SLC24A2: variants seen among roughly 807,000 people sequenced by gnomAD.
SLC24A2 encodes sodium/potassium/calcium exchanger 2.
In SLC24A2, 36 loss-of-function variants were observed where a neutral mutation model predicts 62.0. The observed-to-expected ratio is 0.58, with a 90% CI of 0.44 to 0.77. The LOEUF (loss-of-function observed/expected upper bound fraction) is 0.77, where lower values mean the gene tolerates loss of function less well. SLC24A2 is among the 30% of genes least tolerant of loss of function. The probability of loss-of-function intolerance (pLI) is 0.00; values close to 1 mark genes in which losing one functional copy is unlikely to be tolerated. For synonymous variants in SLC24A2, 358 were observed against 294.0 expected (o/e 1.22, Z -2.23); for missense variants, 846 against 817.9 (o/e 1.03, Z -0.42).
chr9:20,174,518 A>T, the SLC24A2 span, among the ~76,000 whole-genome samples: 1 of 150,386 alleles, frequency 6.6e-6, no homozygotes. Flanking sequence ...GAAAAAAAAA[A>T]TCCCATCAAA....
chr9:20,227,857 G>C, the SLC24A2 span, among the ~76,000 whole-genome samples: 1 of 152,146 alleles, frequency 6.6e-6, no homozygotes, highest in African/African-American at 2.4e-5. Flanking sequence ...AGACTGGGTA[G>C]TCTGAAATAC....
At chr9:20,060,866 A>C in the SLC24A2 span, among the ~76,000 whole-genome samples, 1 of 152,198 alleles carries the variant, frequency 6.6e-6, no homozygotes, top group African/African-American at 2.4e-5. Flanking sequence ...CAATATGCAA[A>C]ACTTAATTGT....
the SLC24A2 span, among the ~76,000 whole-genome samples, chr9:20,264,986 G>A: frequency 8.8e-3 from 1,347 of 152,296 alleles, 26 homozygotes; most frequent in Admixed American, 0.03. Flanking sequence ...GGATTCACCC[G>A]TGCTCCCAGC....
At chr9:19,708,988 A>G (rs946316733) in intron 2 of SLC24A2, among the ~76,000 whole-genome samples, 2 of 152,116 alleles carry the variant, frequency 1.3e-5, no homozygotes, top group Admixed American at 6.6e-5. Context: ...ATGGGAGAAA[A>G]TTTTCGCAAC....
chr9:20,243,391 A>T, the SLC24A2 span, among the ~76,000 whole-genome samples: 1 of 152,222 alleles, frequency 6.6e-6, no homozygotes, highest in Non-Finnish European at 1.5e-5. Flanking sequence ...TATTTGACAC[A>T]TGCAATGAGG....
At chr9:19,790,749 A>G (rs1823309230), upstream of SLC24A2, among the ~76,000 whole-genome samples, 1 of 152,204 alleles carries the variant, frequency 6.6e-6, no homozygotes, top group Admixed American at 6.5e-5. Context: ...GTAACCAATT[A>G]GGCTTTATTT....
rs766061174 is a variant in SLC24A2 at position 19,573,307 on chromosome 9, A to C, written c.1347+44T>G. The C allele has an allele frequency of 2.3e-6, 3 of 1,282,186 alleles. No homozygotes were observed. In the South Asian group the frequency reaches 3.6e-5, roughly 15 times the overall value. 79.4% of individuals were successfully genotyped at this position (1,282,186 alleles called of 1,614,324 possible). A position where few individuals can be genotyped will look rare whatever the true frequency, so the allele number is the denominator to read the frequency against. On this transcript the variant is annotated intron_variant, in intron 7 of 10. Transcript: ENST00000341998. ...GTCTGTGCTGCCACGCTAGGATATCAGTTAAGAACAACAGCCCAGAAGAGC... is the reference window on the plus strand; with the variant it reads ...GTCTGTGCTGCCACGCTAGGATATCCGTTAAGAACAACAGCCCAGAAGAGC...
chr9:19,539,552 G>A (rs1425014325), intron 8 of SLC24A2, among the ~76,000 whole-genome samples: 2 of 127,272 alleles, frequency 1.6e-5, no homozygotes, highest in Non-Finnish European at 3.3e-5. Flanking sequence ...TAGTTTGATT[G>A]CACTGTGGTC....
chr9:19,808,490 C>T, the SLC24A2 span, among the ~76,000 whole-genome samples: 2 of 152,142 alleles, frequency 1.3e-5, no homozygotes, highest in Non-Finnish European at 2.9e-5. This position sits in a 1 kb window ranked among gnomAD's most constrained non-coding sequence, Gnocchi z 4.1. Context: ...GCTAACCCGT[C>T]CAAACCCAAA....
chr9:19,998,616 T>G, the SLC24A2 span, among the ~76,000 whole-genome samples: 1 of 152,238 alleles, frequency 6.6e-6, no homozygotes, highest in Non-Finnish European at 1.5e-5. Context: ...TGACCACCCC[T>G]CTTCTCCATC....
the SLC24A2 span, chr9:19,896,001 G>C: frequency 1.3e-6 from 2 of 1,559,740 alleles, no homozygotes; most frequent in East Asian, 4.5e-5. Context: ...GTGCCTCAGT[G>C]TGACGGCAGG....
chr9:19,727,752 T>C (rs1004199420), intron 2 of SLC24A2, among the ~76,000 whole-genome samples: 3 of 152,210 alleles, frequency 2.0e-5, no homozygotes, highest in African/African-American at 7.2e-5. Context: ...TGAAAAAATA[T>C]CCTATAGTAA....
At chr9:19,978,209 C>T in the SLC24A2 span, among the ~76,000 whole-genome samples, 1 of 152,116 alleles carries the variant, frequency 6.6e-6, no homozygotes, top group African/African-American at 2.4e-5. Context: ...AACCATATAA[C>T]TGTTTGTAAT....
the SLC24A2 span, among the ~76,000 whole-genome samples, chr9:20,035,377 T>C: frequency 1.3e-5 from 2 of 151,468 alleles, no homozygotes; most frequent in African/African-American, 4.8e-5. Context: ...TGTTGGAAAC[T>C]TAATTAAGAT....
Position 19,515,395 on chromosome 9 carries a change from T to C in SLC24A2, c.*758A>G, listed in dbSNP as rs1230031976. On this transcript the variant is annotated 3_prime_UTR_variant, in exon 11 of 11. Coordinates refer to ENST00000341998, the MANE Select transcript of SLC24A2 (RefSeq NM_020344.4). Reference sequence around the variant, plus strand: ...TGGGCAGATAGTCTCTCTGTTTGGCTTGTAGGAATGTTTTGGAAGGCTCAA... The same window carrying C: ...TGGGCAGATAGTCTCTCTGTTTGGCCTGTAGGAATGTTTTGGAAGGCTCAA... 1 of 152,204 alleles carries C rather than the reference T, an allele frequency of 6.6e-6. No homozygotes were observed. The highest frequency in any genetic ancestry group is 1.5e-5 in the Non-Finnish European group (1 of 68,084). 9.4% of individuals were successfully genotyped at this position (152,204 alleles called of 1,614,324 possible). A position where few individuals can be genotyped will look rare whatever the true frequency, so the allele number is the denominator to read the frequency against.
the SLC24A2 span, among the ~76,000 whole-genome samples, chr9:20,099,362 CCTT>C: frequency 1.7e-4 from 26 of 152,268 alleles, no homozygotes; most frequent in East Asian, 9.7e-4. Flanking sequence ...ACCTTTATTT[CCTT>C]CTTCTTTAGG....
At chr9:20,280,426 T>C in the SLC24A2 span, among the ~76,000 whole-genome samples, 1 of 152,148 alleles carries the variant, frequency 6.6e-6, no homozygotes, top group Non-Finnish European at 1.5e-5. Context: ...CCATGAGCTA[T>C]TAGCAGCCAA....
At position 19,559,106 on chromosome 9, in the gene SLC24A2, C is replaced by G. The variant is rs1044618122; in HGVS notation, c.1348-8838G>C. On this transcript the variant is annotated intron_variant, in intron 7 of 10. Coordinates refer to ENST00000341998, the MANE Select transcript of SLC24A2 (RefSeq NM_020344.4). ...GGAAGGCACTTACAAGAGTATTTGG[C>G]ACATAGTGAACACTCAAACATTCAA... Among the ~76,000 whole-genome samples the G allele has an allele frequency of 5.1e-4, 78 of 152,274 alleles. 1 individual carries two copies. Among genetic ancestry groups the G allele is most frequent in the African/African-American group, 1.7e-3 (72 of 41,552 alleles).
intron 7 of SLC24A2, among the ~76,000 whole-genome samples, chr9:19,565,946 C>A (rs550919561): frequency 6.6e-6 from 1 of 150,746 alleles, no homozygotes; most frequent in African/African-American, 2.5e-5. Context: ...CTTCCTTACA[C>A]CTTATACAAA....
Sources: allele counts gnomAD v4.1 joint callset (sites outside exome capture counted in the v4.1 genomes callset), GRCh38; gene constraint gnomAD v4.1.1; non-coding constraint Gnocchi (gnomAD v3.1); transcripts MANE v1.5; gene names NCBI Gene and HGNC (gene_info 2026-07-23, HGNC 2026-07-21).